Variants in MYO3A observed in about 807,000 individuals in gnomAD.
The protein encoded by MYO3A is myosin IIIA, also known as myosin-IIIa.
Under a neutral mutation model 192.7 loss-of-function variants are expected in MYO3A, and 180 were observed. The ratio of observed to expected loss-of-function variants is 0.93; its 90% CI spans 0.83 to 1.06. The LOEUF is 1.06. Ranked by LOEUF, MYO3A falls within the 50% of genes least tolerant of loss-of-function variation. The probability of loss-of-function intolerance (pLI) is 0.00; values close to 1 mark genes in which losing one functional copy is unlikely to be tolerated. For synonymous variants in MYO3A, 628 were observed against 645.3 expected (o/e 0.97, Z 0.41); for missense variants, 1,896 against 1,905.0 (o/e 1.00, Z 0.09).
In MYO3A at chr10:26,021,588, G is replaced by A. The variant is rs776262484; in HGVS notation, c.671G>A (p.Gly224Asp). 6.2e-7 allele frequency: 1 copy of A among 1,614,016 alleles called. No homozygotes were observed. Among genetic ancestry groups the A allele is most frequent in the East Asian group, 2.2e-5 (1 of 44,890 alleles). Residue 224 changes from glycine (G) to aspartate (D), a missense_variant, in exon 8 of 35, where the codon GGT becomes GAT. Transcript: ENST00000642920. ...WSLGITAIEL[G>D]DGDPPLADLH... The stretch of plus-strand genomic sequence containing the variant: ...CTGGGTATCACGGCCATTGAGCTGG[G>A]TGATGGAGATCCTCCACTAGCTGAC...
intron 32 of MYO3A, among the ~76,000 whole-genome samples, chr10:26,198,798 C>T (rs1283088129): frequency 1.3e-5 from 2 of 152,158 alleles, no homozygotes; most frequent in East Asian, 1.9e-4. Context: ...AGAAAATCTA[C>T]GTGAGTCATG....
At position 26,139,486 on chromosome 10, in the gene MYO3A, G is replaced by A. The variant is rs1029660277; in HGVS notation, c.2263-3962G>A. On this transcript the variant is annotated intron_variant, in intron 20 of 34. Coordinates refer to ENST00000642920, the MANE Select transcript of MYO3A (RefSeq NM_017433.5). ...ACTCCTGACCTCAGGTGATCTGCCC[G>A]CCTCAGCCTCCCAAAGGATTAAAAA... Among the ~76,000 whole-genome samples, 6 of 152,200 alleles carry A rather than the reference G, an allele frequency of 3.9e-5. No individual in the cohort carries two copies. In the East Asian group the frequency reaches 7.7e-4, roughly 20 times the overall value.
intron 4 of MYO3A, among the ~76,000 whole-genome samples, chr10:25,981,607 G>GA (rs1262130119): frequency 6.6e-6 from 1 of 151,936 alleles, no homozygotes; most frequent in Non-Finnish European, 1.5e-5. Flanking sequence ...AATAAGCAGT[G>GA]AAAAAATGAA....
At position 26,048,249 on chromosome 10, in the gene MYO3A, T is replaced by G. The variant is rs557774346; in HGVS notation, c.954-18726T>G. Among the ~76,000 whole-genome samples the G allele has an allele frequency of 1.8e-4, 28 of 152,292 alleles. 1 individual carries two copies. The highest frequency in any genetic ancestry group is 6.7e-4 in the African/African-American group (28 of 41,564). ...TAATCTTGTTTGCTTTCCCATTTACTTCTCTAATCTCTGAAAAAAAGTATT... is the reference window on the plus strand; with the variant it reads ...TAATCTTGTTTGCTTTCCCATTTACGTCTCTAATCTCTGAAAAAAAGTATT... On this transcript the variant is annotated intron_variant, in intron 10 of 34. Coordinates refer to ENST00000642920, the MANE Select transcript of MYO3A (RefSeq NM_017433.5).
chr10:26,125,665 T>A (rs1839179320), intron 19 of MYO3A, 57 bp downstream of exon 19: 1 of 1,382,728 alleles, frequency 7.2e-7, no homozygotes, highest in Non-Finnish European at 1.0e-6. Flanking sequence ...TAAGTCTACT[T>A]TCTAATTGAT....
At chr10:26,043,255 G>T (rs1005051073) in intron 10 of MYO3A, among the ~76,000 whole-genome samples, 6 of 151,994 alleles carry the variant, frequency 3.9e-5, no homozygotes, top group African/African-American at 1.5e-4. Context: ...CACTGAGTCA[G>T]ACCTGAAGGC....
chr10:26,025,659 A>G (rs1187578911), intron 9 of MYO3A, among the ~76,000 whole-genome samples: 1 of 152,138 alleles, frequency 6.6e-6, no homozygotes, highest in Non-Finnish European at 1.5e-5. Flanking sequence ...AACTACTTGA[A>G]TCCTTCTTTT....
At chr10:26,102,429 G>A (rs1434966790) in intron 17 of MYO3A, among the ~76,000 whole-genome samples, 1 of 152,190 alleles carries the variant, frequency 6.6e-6, no homozygotes, top group South Asian at 2.1e-4. Flanking sequence ...GTCCAGCTTT[G>A]TTCCGTTGCT....
Position 26,212,197 on chromosome 10 carries a change from G to T in MYO3A, c.*234G>T, listed in dbSNP as rs780811845. The T allele has an allele frequency of 3.5e-6, 2 of 569,116 alleles. No homozygotes were observed. Among genetic ancestry groups the T allele is most frequent in the Non-Finnish European group, 6.0e-6 (2 of 331,814 alleles). 35.3% of individuals were successfully genotyped at this position (569,116 alleles called of 1,614,324 possible). A position where few individuals can be genotyped will look rare whatever the true frequency, so the allele number is the denominator to read the frequency against. ...CCCGACGCTCTCTCTCGGAACTCCC[G>T]CACCCTCCTTTCTCACCAGCCCGCC... On this transcript the variant is annotated 3_prime_UTR_variant, in exon 35 of 35. Transcript: ENST00000642920.
chr10:26,024,431 C>G (rs1457045844), intron 9 of MYO3A, among the ~76,000 whole-genome samples: 2 of 152,182 alleles, frequency 1.3e-5, no homozygotes, highest in Non-Finnish European at 2.9e-5. Flanking sequence ...TCTTTATCCT[C>G]TGTGCCTTTT....
chr10:26,192,091 A>C (rs1843166192), intron 31 of MYO3A, among the ~76,000 whole-genome samples: 1 of 152,192 alleles, frequency 6.6e-6, no homozygotes, highest in African/African-American at 2.4e-5. Context: ...AGAATCATGA[A>C]AAAAGTAGAA....
At chr10:25,952,043 C>A in intron 2 of MYO3A, 51 bp from the exon 3 acceptor site, 1 of 1,389,172 alleles carries the variant, frequency 7.2e-7, no homozygotes, top group Non-Finnish European at 1.0e-6. Flanking sequence ...TTGTGTGTGC[C>A]ATTTGATATC....
intron 18 of MYO3A, among the ~76,000 whole-genome samples, chr10:26,122,149 A>G (rs1175765791): frequency 6.6e-6 from 1 of 152,250 alleles, no homozygotes; most frequent in African/African-American, 2.4e-5. Flanking sequence ...AGCTAGCAGC[A>G]GCCAATGGAA....
intron 31 of MYO3A, among the ~76,000 whole-genome samples, chr10:26,178,223 A>G (rs1302356546): frequency 6.6e-6 from 1 of 152,182 alleles, no homozygotes; most frequent in African/African-American, 2.4e-5. Flanking sequence ...TGGGGAAGCA[A>G]GGAAGCCAGG....
intron 20 of MYO3A, among the ~76,000 whole-genome samples, chr10:26,134,272 T>G (rs1306952243): frequency 6.6e-6 from 1 of 152,188 alleles, no homozygotes; most frequent in Non-Finnish European, 1.5e-5. Context: ...TTAGGTTATT[T>G]GTCATATTCT....
rs895234072 is a variant in MYO3A, at chr10:25,942,585, A to G, written c.-18+6755A>G. Among the ~76,000 whole-genome samples, 8 of 152,230 alleles carry G rather than the reference A, an allele frequency of 5.3e-5. No individual in the cohort carries two copies. The South Asian group carries it at 1.4e-3, about 28-fold the overall frequency. ...GCAAGAGTTCCAATTTCTCTACAAC[A>G]TTAACAACACTGAAATCGCTTTCTG... is the stretch of plus-strand genomic sequence containing the variant. On this transcript the variant is annotated intron_variant, in intron 2 of 34. Coordinates refer to ENST00000642920, the MANE Select transcript of MYO3A (RefSeq NM_017433.5).
intron 10 of MYO3A, among the ~76,000 whole-genome samples, chr10:26,048,361 T>TC (rs961197189): frequency 6.6e-6 from 1 of 152,198 alleles, no homozygotes; most frequent in Non-Finnish European, 1.5e-5. Context: ...GCTTGTTTTT[T>TC]TTTTTTAAGC....
At chr10:26,010,177 A>G (rs1055226014) in intron 6 of MYO3A, among the ~76,000 whole-genome samples, 12 of 151,822 alleles carry the variant, frequency 7.9e-5, no homozygotes, top group Middle Eastern at 3.2e-3. Context: ...AGTTTTAAAG[A>G]AAGGAAAAGA....
At chr10:26,112,169 C>G (rs1263544489) in intron 17 of MYO3A, among the ~76,000 whole-genome samples, 2 of 152,132 alleles carry the variant, frequency 1.3e-5, no homozygotes, top group African/African-American at 4.8e-5. Context: ...CTGTATATTC[C>G]AAATTTAAAC....
Sources: allele counts gnomAD v4.1 joint callset (sites outside exome capture counted in the v4.1 genomes callset), GRCh38; gene constraint gnomAD v4.1.1; transcripts MANE v1.5; gene names NCBI Gene and HGNC (gene_info 2026-07-23, HGNC 2026-07-21).